Variants in CDK11B observed in about 807,000 individuals in gnomAD.
CDK11B encodes cyclin dependent kinase 11B, also known as cyclin-dependent kinase 11B.
Under a neutral mutation model 84.0 loss-of-function variants are expected in CDK11B, and 37 were observed. The ratio of observed to expected loss-of-function variants is 0.44; its 90% CI spans 0.34 to 0.58. CDK11B has a LOEUF of 0.58. CDK11B is among the 20% of genes least tolerant of loss of function. The probability of loss-of-function intolerance (pLI) is 0.02; values close to 1 mark genes in which losing one functional copy is unlikely to be tolerated. For synonymous variants in CDK11B, 269 were observed against 309.8 expected (o/e 0.87, Z 1.38); for missense variants, 427 against 834.0 (o/e 0.51, Z 6.01).
At chr1:1,646,307 A>G (rs1641104505) in intron 5 of CDK11B, 1 of 440,600 alleles carries the variant, frequency 2.3e-6, no homozygotes, top group Non-Finnish European at 4.5e-6. Context: ...TTGATTTTAA[A>G]TTACATATGT....
intron 4 of CDK11B, among the ~76,000 whole-genome samples, chr1:1,650,075 C>T (rs1447307296): frequency 1.3e-5 from 2 of 150,980 alleles, no homozygotes; most frequent in South Asian, 2.1e-4. Context: ...TCGGGACCAT[C>T]CTGGCTAACA....
At chr1:1,655,168 T>C (rs565790146) in intron 3 of CDK11B, among the ~76,000 whole-genome samples, 4 of 151,900 alleles carry the variant, frequency 2.6e-5, no homozygotes, top group Non-Finnish European at 4.4e-5. Flanking sequence ...GGCAAGGGTC[T>C]GGAGGGCCAC....
chr1:1,650,511 G>A (rs1299927141), intron 4 of CDK11B, among the ~76,000 whole-genome samples: 58 of 150,230 alleles, frequency 3.9e-4, no homozygotes, highest in African/African-American at 1.1e-3. Context: ...TACTACAGGC[G>A]CCTGCCACCA....
chr1:1,652,970 A>T lies in CDK11B; in HGVS notation c.228-404T>A, dbSNP rs1642201657. 4.6e-5 allele frequency among the ~76,000 whole-genome samples: 7 copies of T among 151,720 alleles called. No individual in the cohort carries two copies. In the South Asian group the frequency reaches 1.5e-3, roughly 31 times the overall value. Reference sequence around the variant, plus strand: ...GGTCTCCTGACCTCATGATCCGCCCACCTCGGTCTCCCAAAGTGCTGGGAT... The same window carrying T: ...GGTCTCCTGACCTCATGATCCGCCCTCCTCGGTCTCCCAAAGTGCTGGGAT... On this transcript the variant is annotated intron_variant, in intron 3 of 19. Transcript: ENST00000341832.
intron 6 of CDK11B, among the ~76,000 whole-genome samples, chr1:1,644,695 A>G (rs1334060154): frequency 6.6e-6 from 1 of 152,036 alleles, no homozygotes; most frequent in African/African-American, 2.4e-5. Context: ...GTGGGTGACT[A>G]TAAAAGCTCG....
chr1:1,654,909 C>T (rs1367931884), intron 3 of CDK11B, among the ~76,000 whole-genome samples: 9 of 151,930 alleles, frequency 5.9e-5, no homozygotes, highest in East Asian at 5.8e-4. Context: ...CCGCCCACCT[C>T]GGCCTCCCAA....
At chr1:1,657,133 C>T (rs1395969270) in intron 2 of CDK11B, 19 of 1,251,724 alleles carry the variant, frequency 1.5e-5, no homozygotes, top group South Asian at 6.5e-5. Flanking sequence ...ACTTAACATT[C>T]AACGTATTTT....
Position 1,636,983 on chromosome 1 carries a change from G to A in CDK11B, c.1714C>T (p.Arg572Trp), listed in dbSNP as rs769600864. Residue 572 changes from arginine (R) to tryptophan (W), a missense_variant, in exon 16 of 20, where the codon CGG (arginine) becomes TGG (tryptophan). Physicochemically the swap from Arg to Trp is moderately radical, Grantham distance 101 (BLOSUM62 -3). Transcript: ENST00000341832. ...ILKVGDFGLA[R>W]EYGSPLKAYT... Reference sequence around the variant, plus strand: ...GCCTTCAGAGGGGATCCGTACTCCCGCGCCAGCCCGAAGTCACCCACCTGC... The same window carrying A: ...GCCTTCAGAGGGGATCCGTACTCCCACGCCAGCCCGAAGTCACCCACCTGC... 6 of 1,611,644 alleles carry A rather than the reference G, an allele frequency of 3.7e-6. No individual in the cohort carries two copies. The highest frequency in any genetic ancestry group is 1.3e-5 in the African/African-American group (1 of 74,966).
intron 3 of CDK11B, 102 bp downstream of exon 3, chr1:1,655,267 T>C (rs1642593021): frequency 1.4e-6 from 2 of 1,392,242 alleles, no homozygotes; most frequent in African/African-American, 1.4e-5. Context: ...GAGTAAACCT[T>C]AATAGTTACA....
At chr1:1,638,909 C>T (rs9442414) in intron 11 of CDK11B, among the ~76,000 whole-genome samples, 1,802 of 149,122 alleles carry the variant, frequency 0.012, 59 homozygotes, top group African/African-American at 0.041. Context: ...AAGACCAGCC[C>T]GGCCAACATA....
chr1:1,638,742 T>C (rs973599528), intron 11 of CDK11B, among the ~76,000 whole-genome samples, 152 bp from the exon 12 acceptor site: 6 of 152,274 alleles, frequency 3.9e-5, no homozygotes, highest in African/African-American at 1.4e-4. Context: ...AGCTCAGTTC[T>C]TTCAAAGTCT....
chr1:1,640,891 T>C (rs990938151), intron 10 of CDK11B, among the ~76,000 whole-genome samples, 157 bp downstream of exon 10: 2 of 151,102 alleles, frequency 1.3e-5, no homozygotes, highest in Non-Finnish European at 2.9e-5. Flanking sequence ...CGCTGAGGAA[T>C]GCGGGCCCCA....
At position 1,652,066 on chromosome 1, in the gene CDK11B, T is replaced by C. The variant is rs1298725319; in HGVS notation, c.355+373A>G. 2.0e-5 allele frequency among the ~76,000 whole-genome samples: 3 copies of C among 148,242 alleles called. No homozygotes were observed. In the South Asian group the frequency reaches 6.5e-4, roughly 32 times the overall value. On this transcript the variant is annotated intron_variant, in intron 4 of 19. Coordinates refer to ENST00000341832, the MANE Select transcript of CDK11B (RefSeq NM_033486.3). The stretch of plus-strand genomic sequence containing the variant: ...TGACACACGCATGCTTTTAGTTAGT[T>C]TGCTCTCATAGCCCTTCTGAACGGT...
chr1:1,650,378 T>C (rs1475396253), intron 4 of CDK11B, among the ~76,000 whole-genome samples: 1 of 147,642 alleles, frequency 6.8e-6, no homozygotes, highest in Non-Finnish European at 1.5e-5. Flanking sequence ...TTCTTTTTTT[T>C]TTTTGGAGAT....
chr1:1,639,881 C>T (rs1010139671), intron 11 of CDK11B, among the ~76,000 whole-genome samples: 2 of 152,034 alleles, frequency 1.3e-5, no homozygotes, highest in African/African-American at 4.8e-5. Flanking sequence ...TAGCCGCTCC[C>T]CCATCCAAGC....
At chr1:1,650,696 CAG>C (rs1641896655) in intron 4 of CDK11B, among the ~76,000 whole-genome samples, 1 of 124,532 alleles carries the variant, frequency 8.0e-6, no homozygotes, top group African/African-American at 3.0e-5. Context: ...TTTAAAGAGA[CAG>C]GGTCTCGCTA....
At chr1:1,654,882 T>A (rs1401634079) in intron 3 of CDK11B, among the ~76,000 whole-genome samples, 1 of 151,548 alleles carries the variant, frequency 6.6e-6, no homozygotes, top group African/African-American at 2.4e-5. Context: ...ATGGTCTTGA[T>A]CTTCTGACCT....
At position 1,641,333 on chromosome 1, in the gene CDK11B, AC is replaced by A. The variant is rs1640264227; in HGVS notation, c.1010-221del. On this transcript the variant is annotated intron_variant, in intron 9 of 19. Coordinates refer to ENST00000341832, the MANE Select transcript of CDK11B (RefSeq NM_033486.3). Reference sequence around the variant, plus strand: ...AGACCATCCTGGCCAACGTGGTGAAACCCCGTCTCGACTAAAAATAAAAAAA... The same window carrying A: ...AGACCATCCTGGCCAACGTGGTGAAACCCGTCTCGACTAAAAATAAAAAAA... 1.4e-5 allele frequency among the ~76,000 whole-genome samples: 2 copies of A among 147,462 alleles called. 1 individual carries two copies. The highest frequency in any genetic ancestry group is 4.3e-4 in the South Asian group (2 of 4,690).
chr1:1,648,929 C>G (rs920269125), intron 5 of CDK11B, among the ~76,000 whole-genome samples: 19 of 151,756 alleles, frequency 1.3e-4, no homozygotes, highest in African/African-American at 3.6e-4. Context: ...CCACCGCGCC[C>G]GGCCGGACAT....
Sources: gnomAD v4.1 joint callset for allele counts (sites outside exome capture counted in the v4.1 genomes callset) on GRCh38, gnomAD v4.1.1 for gene constraint, MANE v1.5 for transcripts, NCBI Gene and HGNC (gene_info 2026-07-23, HGNC 2026-07-21) for gene names.